The following RERG variants were observed in gnomAD, a reference collection of about 807,000 sequenced individuals.
RERG encodes RAS like estrogen regulated growth inhibitor.
A neutral mutation model predicts 23.2 loss-of-function variants in RERG; 25 were observed. That is an observed-to-expected ratio of 1.08 (90% CI 0.79 to 1.50). RERG has a LOEUF of 1.50. Ranked by LOEUF, RERG falls within the 40% of genes most tolerant of loss-of-function variation. The probability of loss-of-function intolerance (pLI) is 0.00; values close to 1 mark genes in which losing one functional copy is unlikely to be tolerated. For missense variants in RERG, 253 were observed against 250.1 expected (o/e 1.01, Z -0.08); for synonymous variants, 81 against 89.1 (o/e 0.91, Z 0.51).
rs139151483 is a variant in RERG, at chr12:15,157,223, A to G, written c.62-36104T>C. On this transcript the variant is annotated intron_variant, in intron 2 of 4. Coordinates refer to ENST00000256953, the MANE Select transcript of RERG (RefSeq NM_032918.3). ...AAACAGAAGAGGCCACTTATTTTGCATATAAGACAGATGCTCAGGGCATAC... is the reference window on the plus strand; with the variant it reads ...AAACAGAAGAGGCCACTTATTTTGCGTATAAGACAGATGCTCAGGGCATAC... 1.7e-4 allele frequency among the ~76,000 whole-genome samples: 26 copies of G among 152,368 alleles called. No individual in the cohort carries two copies. The East Asian group carries it at 5.0e-3, about 29-fold the overall frequency.
chr12:15,186,361 C>T (rs1591662574), intron 2 of RERG, among the ~76,000 whole-genome samples: 1 of 151,760 alleles, frequency 6.6e-6, no homozygotes, highest in East Asian at 1.9e-4. Context: ...GTGCTCCAGT[C>T]AAAGATTAAC....
At chr12:15,114,160 T>C (rs570651265) in intron 3 of RERG, among the ~76,000 whole-genome samples, 1 of 152,016 alleles carries the variant, frequency 6.6e-6, no homozygotes, top group South Asian at 2.1e-4. Flanking sequence ...AGATCTAAAC[T>C]CATCTAGATT....
At chr12:15,202,843 G>A (rs530910924) in intron 2 of RERG, among the ~76,000 whole-genome samples, 22 of 151,778 alleles carry the variant, frequency 1.4e-4, no homozygotes, top group African/African-American at 5.1e-4. Context: ...TCATATGGTA[G>A]TTCTAATTTT....
chr12:15,218,382 A>AAC (rs1211472352), intron 1 of RERG, among the ~76,000 whole-genome samples: 1 of 151,974 alleles, frequency 6.6e-6, no homozygotes, highest in African/African-American at 2.4e-5. Flanking sequence ...GGATCATGGA[A>AAC]ACGTAAATTT....
At chr12:15,178,764 T>C (rs908434583) in intron 2 of RERG, among the ~76,000 whole-genome samples, 7 of 152,180 alleles carry the variant, frequency 4.6e-5, no homozygotes, top group African/African-American at 1.7e-4. Flanking sequence ...AGTTCCTCAA[T>C]GTATGTGGAG....
intron 2 of RERG, chr12:15,155,112 A>T (rs574306563): frequency 1.3e-5 from 2 of 152,192 alleles, no homozygotes; most frequent in Admixed American, 1.3e-4. Context: ...AAAACAAGCA[A>T]TTAAAAAAAG....
At chr12:15,194,098 T>A (rs2136136513) in intron 2 of RERG, among the ~76,000 whole-genome samples, 2 of 152,280 alleles carry the variant, frequency 1.3e-5, no homozygotes, top group Admixed American at 1.3e-4. Flanking sequence ...TTTAAGATTA[T>A]TTCCCTGTTT....
chr12:15,173,161 G>A (rs1864799856), intron 2 of RERG, among the ~76,000 whole-genome samples: 1 of 152,012 alleles, frequency 6.6e-6, no homozygotes, highest in Admixed American at 6.6e-5. Flanking sequence ...CAGATAGTGT[G>A]AGGTACAGGT....
chr12:15,113,440 TA>T (rs1175991127), intron 3 of RERG, among the ~76,000 whole-genome samples: 1 of 152,030 alleles, frequency 6.6e-6, no homozygotes, highest in African/African-American at 2.4e-5. Context: ...AACTTGGCAT[TA>T]AAAGAAGAAA....
chr12:15,110,257 T>G (rs781069856), intron 4 of RERG, among the ~76,000 whole-genome samples: 2 of 152,076 alleles, frequency 1.3e-5, no homozygotes, highest in Non-Finnish European at 2.9e-5. Flanking sequence ...TGCACCTCCC[T>G]GCTGCCTCTC....
chr12:15,195,330 C>A (rs1865128232), intron 2 of RERG, among the ~76,000 whole-genome samples: 1 of 152,138 alleles, frequency 6.6e-6, no homozygotes, highest in Admixed American at 6.6e-5. Flanking sequence ...CTTTCCACCT[C>A]TCACACAAGT....
chr12:15,213,391 C>A (rs145132098), intron 2 of RERG, among the ~76,000 whole-genome samples: 1 of 152,280 alleles, frequency 6.6e-6, no homozygotes, highest in Non-Finnish European at 1.5e-5. Context: ...GCCTTGCATG[C>A]CACATTATTA....
At chr12:15,144,108 G>A (rs1383999049) in intron 2 of RERG, among the ~76,000 whole-genome samples, 2 of 152,070 alleles carry the variant, frequency 1.3e-5, no homozygotes, top group Non-Finnish European at 2.9e-5. Context: ...AGGAGTGAAG[G>A]ATGACTCCAA....
intron 2 of RERG, among the ~76,000 whole-genome samples, chr12:15,213,063 A>G (rs1263973709): frequency 6.6e-6 from 1 of 152,210 alleles, no homozygotes; most frequent in East Asian, 1.9e-4. Context: ...TTCATGGATG[A>G]GTGCACCAAT....
chr12:15,152,052 G>A (rs1005740418), intron 2 of RERG: 1 of 152,266 alleles, frequency 6.6e-6, no homozygotes, highest in South Asian at 2.1e-4. Flanking sequence ...AATAACCCAG[G>A]AACTATAAAT....
intron 2 of RERG, among the ~76,000 whole-genome samples, chr12:15,145,069 G>T (rs913535055): frequency 3.9e-5 from 6 of 152,190 alleles, no homozygotes; most frequent in Non-Finnish European, 7.3e-5. Flanking sequence ...GAGCACAGAT[G>T]CAAAGAGAAA....
chr12:15,199,411 T>TCTA (rs1865187895), intron 2 of RERG, among the ~76,000 whole-genome samples: 1 of 152,116 alleles, frequency 6.6e-6, no homozygotes, highest in African/African-American at 2.4e-5. Flanking sequence ...TTCCCATATG[T>TCTA]CTACTGTATG....
chr12:15,131,456 A>G (rs913940194), intron 2 of RERG, among the ~76,000 whole-genome samples: 3 of 152,210 alleles, frequency 2.0e-5, no homozygotes, highest in African/African-American at 7.2e-5. Context: ...TTAAGTTGCC[A>G]AGGGATTTGG....
At chr12:15,124,024 G>A (rs1222095287) in intron 2 of RERG, among the ~76,000 whole-genome samples, 4 of 151,970 alleles carry the variant, frequency 2.6e-5, no homozygotes, top group African/African-American at 4.8e-5. Flanking sequence ...TTCATCATCT[G>A]TGGTTCTGTT....
Sources: allele counts gnomAD v4.1 joint callset (sites outside exome capture counted in the v4.1 genomes callset), GRCh38; gene constraint gnomAD v4.1.1; transcripts MANE v1.5; gene names NCBI Gene and HGNC (gene_info 2026-07-23, HGNC 2026-07-21).